The following SIRPG variants were observed in gnomAD, a reference collection of about 807,000 sequenced individuals.
SIRPG encodes signal regulatory protein gamma.
Under a neutral mutation model 35.7 loss-of-function variants are expected in SIRPG, and 38 were observed. That is an observed-to-expected ratio of 1.06 (90% confidence interval 0.82 to 1.40). SIRPG has a LOEUF of 1.40. Among genes scored for constraint, SIRPG ranks in the 40% most tolerant of loss-of-function variants. SIRPG has a pLI of 0.00. For missense variants in SIRPG, 519 were observed against 483.0 expected, an observed-to-expected ratio of 1.07 and a Z score of -0.70; for synonymous variants, 215 against 190.4, an observed-to-expected ratio of 1.13 and a Z score of -1.06.
At chr20:1,638,502 A>C (rs2091822564) in intron 2 of SIRPG, 1 of 152,016 alleles carries the variant, frequency 6.6e-6, no homozygotes, top group Non-Finnish European at 1.5e-5. Flanking sequence ...TAAAAGCAAA[A>C]CCACCAAGTC....
At chr20:1,677,154 T>G in the SIRPG span, among the ~76,000 whole-genome samples, 2 of 148,890 alleles carry the variant, frequency 1.3e-5, no homozygotes, top group East Asian at 3.9e-4. Flanking sequence ...AACATGAGAC[T>G]GTATTAGAAG....
rs1488147169 is a variant in SIRPG at position 1,631,017 on chromosome 20, G to C, written c.1082-711C>G. ...TGTCACCTAGGCCACCTCCACCCCAGTGCAGGTGTCATCTGAAATCTTTCT... is the reference window on the plus strand; with the variant it reads ...TGTCACCTAGGCCACCTCCACCCCACTGCAGGTGTCATCTGAAATCTTTCT... On this transcript the variant is annotated intron_variant, in intron 4 of 5. Transcript: ENST00000303415. Among the ~76,000 whole-genome samples the C allele has an allele frequency of 2.0e-5, 3 of 152,176 alleles. No individual in the cohort carries two copies. In the East Asian group the frequency reaches 5.8e-4, roughly 29 times the overall value.
the SIRPG span, among the ~76,000 whole-genome samples, chr20:1,682,540 C>A: frequency 2.0e-5 from 3 of 152,142 alleles, no homozygotes; most frequent in African/African-American, 7.2e-5. Context: ...CCATATGGGA[C>A]AACTCCATAA....
chr20:1,654,171 G>A (rs1254758748), intron 1 of SIRPG, among the ~76,000 whole-genome samples: 1 of 151,598 alleles, frequency 6.6e-6, no homozygotes, highest in African/African-American at 2.4e-5. Context: ...CCCGGGAGGT[G>A]GAGATTGCAG....
chr20:1,675,957 C>G, the SIRPG span, among the ~76,000 whole-genome samples: 1 of 152,110 alleles, frequency 6.6e-6, no homozygotes, highest in African/African-American at 2.4e-5. Context: ...TCTGGCACAG[C>G]TGCTGCTCCC....
chr20:1,641,314 G>A (rs1329502264), intron 2 of SIRPG, among the ~76,000 whole-genome samples: 2 of 152,008 alleles, frequency 1.3e-5, no homozygotes, highest in African/African-American at 4.8e-5. Context: ...TCAGGGGCTC[G>A]ATTTCTTTTT....
At chr20:1,675,326 T>G in the SIRPG span, among the ~76,000 whole-genome samples, 3 of 152,174 alleles carry the variant, frequency 2.0e-5, no homozygotes, top group African/African-American at 7.2e-5. Context: ...GAGTCCTAAA[T>G]GCTTCATGTG....
At chr20:1,671,753 C>T in the SIRPG span, among the ~76,000 whole-genome samples, 1 of 152,102 alleles carries the variant, frequency 6.6e-6, no homozygotes, top group Non-Finnish European at 1.5e-5. Context: ...AAGGGATGGG[C>T]CGAAGTAAAG....
intron 2 of SIRPG, among the ~76,000 whole-genome samples, chr20:1,643,976 G>A (rs1047950336): frequency 6.6e-6 from 1 of 152,160 alleles, no homozygotes; most frequent in Non-Finnish European, 1.5e-5. Context: ...GAGGGGCACT[G>A]ATCTAATGCC....
the SIRPG span, chr20:1,676,806 A>T: frequency 4.8e-6 from 1 of 208,292 alleles, no homozygotes; most frequent in Non-Finnish European, 1.0e-5. Flanking sequence ...GGGAGGTCGC[A>T]GTGCAGTGCA....
chr20:1,674,780 G>A, the SIRPG span, among the ~76,000 whole-genome samples: 1 of 152,190 alleles, frequency 6.6e-6, no homozygotes, highest in African/African-American at 2.4e-5. Context: ...CTTGATTTAG[G>A]GGTGCCTACA....
chr20:1,667,864 T>C, the SIRPG span, among the ~76,000 whole-genome samples: 59 of 152,354 alleles, frequency 3.9e-4, 1 homozygote, highest in South Asian at 0.01. Context: ...CTACTATAGA[T>C]AGCTTTGCTT....
At chr20:1,667,507 A>T in the SIRPG span, among the ~76,000 whole-genome samples, 1 of 152,220 alleles carries the variant, frequency 6.6e-6, no homozygotes, top group Non-Finnish European at 1.5e-5. Flanking sequence ...AAGGAAAAGA[A>T]TATTTTGAAA....
the SIRPG span, among the ~76,000 whole-genome samples, chr20:1,662,904 G>A: frequency 1.3e-5 from 2 of 152,054 alleles, no homozygotes; most frequent in African/African-American, 4.8e-5. Context: ...TTTACAAAAT[G>A]TGTCTTTAAT....
chr20:1,661,123 T>C (rs2091994688), upstream of SIRPG, among the ~76,000 whole-genome samples: 1 of 152,186 alleles, frequency 6.6e-6, no homozygotes. Flanking sequence ...GATATTATCG[T>C]TATTAGGTAG....
At chr20:1,668,470 G>T in the SIRPG span, among the ~76,000 whole-genome samples, 2 of 151,976 alleles carry the variant, frequency 1.3e-5, no homozygotes, top group African/African-American at 4.8e-5. Flanking sequence ...TTTTAGTAGA[G>T]ATGGGGTTTC....
At chr20:1,660,592 T>G (rs994454076), upstream of SIRPG, among the ~76,000 whole-genome samples, 4 of 152,190 alleles carry the variant, frequency 2.6e-5, no homozygotes, top group Non-Finnish European at 5.9e-5. Flanking sequence ...TCAGTAAAGA[T>G]CAACTAAGTA....
chr20:1,668,193 C>CTTTCT, the SIRPG span, among the ~76,000 whole-genome samples: 2 of 28,684 alleles, frequency 7.0e-5, no homozygotes, highest in Non-Finnish European at 1.7e-4. Context: ...CTTTCTTTTT[C>CTTTCT]TTTTCTTTTC....
the SIRPG span, among the ~76,000 whole-genome samples, chr20:1,681,997 T>C: frequency 4.5e-4 from 68 of 152,364 alleles, 1 homozygote; most frequent in African/African-American, 1.5e-3. Context: ...ATAGATGCTA[T>C]AGGCCGAAGT....
Sources: gnomAD v4.1 joint callset for allele counts (sites outside exome capture counted in the v4.1 genomes callset) on GRCh38, gnomAD v4.1.1 for gene constraint, MANE v1.5 for transcripts, NCBI Gene and HGNC (gene_info 2026-07-23, HGNC 2026-07-21) for gene names.